The following DDX18 variants were observed in gnomAD, a reference collection of about 807,000 sequenced individuals.
The protein encoded by DDX18 is ATP-dependent RNA helicase DDX18.
Under a neutral mutation model 73.5 loss-of-function variants are expected in DDX18, and 23 were observed. The observed-to-expected ratio is 0.31, with a 90% confidence interval of 0.23 to 0.44. The LOEUF is 0.44. DDX18 is among the 20% of genes least tolerant of loss of function. The pLI is 1.00. For missense variants in DDX18, 753 were observed against 792.9 expected, an observed-to-expected ratio of 0.95 and a Z score of 0.60; for synonymous variants, 268 against 282.7, an observed-to-expected ratio of 0.95 and a Z score of 0.52.
Position 117,830,964 on chromosome 2 carries a change from T to G in DDX18, c.*240T>G, listed in dbSNP as rs1458548866. 2.2e-6 allele frequency: 1 copy of G among 462,950 alleles called. No individual in the cohort carries two copies. The highest frequency in any genetic ancestry group is 4.2e-5 in the Admixed American group (1 of 23,640). 28.7% of individuals were successfully genotyped at this position (462,950 alleles called of 1,614,324 possible). On this transcript the variant is annotated 3_prime_UTR_variant, in exon 14 of 14. Transcript: ENST00000263239. ...GGCAGAGCAAGGAATATCTGGTGTT[T>G]CTTGTGATGATAATATTTTAATTTT...
Position 117,824,571 on chromosome 2 carries a change from C to T in DDX18, c.1069C>T (p.Arg357Cys), listed in dbSNP as rs368037307. 7.7e-6 allele frequency: 11 copies of T among 1,432,576 alleles called. No homozygotes were observed. Among genetic ancestry groups the T allele is most frequent in the South Asian group, 6.9e-5 (4 of 58,304 alleles). 88.7% of individuals were successfully genotyped at this position (1,432,576 alleles called of 1,614,324 possible). Residue 357 changes from arginine (R) to cysteine (C), a missense_variant and splice_region_variant, in exon 8 of 14, where the codon CGT (arginine) becomes TGT (cysteine). Coordinates refer to ENST00000263239, the MANE Select transcript of DDX18 (RefSeq NM_006773.4). ...ATTTTTATATGTATCTGTTTCAGCA[C>T]GTAGACAGACTATGCTCTTTTCTGC... The part of the protein sequence containing the change: ...LKQIIKLLPT[R>C]RQTMLFSATQ...
rs1462787470 is a variant in DDX18, at chr2:117,830,680, C to T, written c.1969C>T (p.His657Tyr). ...KKVEKSKIFKHISKKSSDSRQ... is the reference protein window; with the variant it reads ...KKVEKSKIFKYISKKSSDSRQ... ...AGTTGAGAAATCCAAAATCTTTAAA[C>T]ACATTAGCAAGAAATCATCTGACAG... Residue 657 changes from histidine to tyrosine, a missense_variant, in exon 14 of 14, where the codon CAC becomes TAC. Physicochemically the swap from His to Tyr is moderately conservative, Grantham distance 83. This residue lies in a region of DDX18 where 402 missense variants were observed against 419.4 expected (regional missense o/e 0.96). Coordinates refer to ENST00000263239, the MANE Select transcript of DDX18 (RefSeq NM_006773.4). 7 of 1,613,582 alleles carry T rather than the reference C, an allele frequency of 4.3e-6. No homozygotes were observed. Among genetic ancestry groups the T allele is most frequent in the Non-Finnish European group, 5.9e-6 (7 of 1,179,752 alleles).
chr2:117,819,925 T>C (rs1679819137), intron 3 of DDX18, 133 bp downstream of exon 3: 1 of 792,188 alleles, frequency 1.3e-6, no homozygotes, highest in African/African-American at 1.8e-5. Context: ...ACTTTTTTTA[T>C]ATCTTTCTGC....
chr2:117,822,412 A>G (rs1454495625), intron 7 of DDX18, 151 bp downstream of exon 7: 12 of 610,404 alleles, frequency 2.0e-5, no homozygotes, highest in South Asian at 1.7e-4. Flanking sequence ...TTTGGAATAC[A>G]AGCATCAAAT....
Position 117,817,455 on chromosome 2 carries a change from C to T in DDX18, c.97C>T (p.Leu33=). Residue 33 remains leucine (L), a synonymous_variant, in exon 2 of 14, where the codon CTG becomes TTG. Coordinates refer to ENST00000263239, the MANE Select transcript of DDX18 (RefSeq NM_006773.4). The part of the protein sequence containing the change: ...RNLKFQGASN[L]TLSETQNGDV... ...GTTTATTTAAACAGGGGCCTCAAAT[C>T]TGACCCTATCGGAAACTCAAAATGG... 2 of 1,607,680 alleles carry T rather than the reference C, an allele frequency of 1.2e-6. No individual in the cohort carries two copies. The highest frequency in any genetic ancestry group is 1.7e-6 in the Non-Finnish European group (2 of 1,178,630).
rs59119058 is a variant in DDX18 at position 117,826,034 on chromosome 2, C to CTTTTT, written c.1522-211_1522-207dup. 5.0e-3 allele frequency: 483 copies of CTTTTT among 97,300 alleles called. 100 individuals carry two copies. Among genetic ancestry groups the CTTTTT allele is most frequent in the African/African-American group, 0.03 (356 of 12,054 alleles). 6.0% of individuals were successfully genotyped at this position (97,300 alleles called of 1,614,324 possible). A position where few individuals can be genotyped will look rare whatever the true frequency, so the allele number is the denominator to read the frequency against. ...TGTTAATGCAAACATCATGTCCAGCCTTTTTTTTTTTTTTTTTTTTTTTTT... is the reference window on the plus strand; with the variant it reads ...TGTTAATGCAAACATCATGTCCAGCCTTTTTTTTTTTTTTTTTTTTTTTTTTTTTT... On this transcript the variant is annotated intron_variant, in intron 10 of 13. Transcript: ENST00000263239.
At position 117,826,276 on chromosome 2, in the gene DDX18, T is replaced by C. The variant is rs1364038360; in HGVS notation, c.1529T>C (p.Ile510Thr). The change falls in exon 11 of 14, where the codon ATT (isoleucine) becomes ACT (threonine). Residue 510 changes from isoleucine to threonine, a missense_variant. Around this residue, in one of 3 missense-constraint regions of DDX18, gnomAD observed 402 missense variants for 419.4 expected, o/e 0.96. Coordinates refer to ENST00000263239, the MANE Select transcript of DDX18 (RefSeq NM_006773.4). Reference protein sequence around the residue: ...YDPPDDPKEYIHRVGRTARGL... With the variant: ...YDPPDDPKEYTHRVGRTARGL... ...TTTCTTTCTCCACCAAAGGAATATA[T>C]TCATCGTGTGGGTAGAACAGCCAGA... 1.2e-6 allele frequency: 2 copies of C among 1,613,548 alleles called. No homozygotes were observed. The highest frequency in any genetic ancestry group is 1.7e-5 in the Admixed American group (1 of 59,962).
intron 11 of DDX18, chr2:117,827,806 T>G (rs1679959064): frequency 2.0e-5 from 3 of 152,334 alleles, no homozygotes; most frequent in South Asian, 4.1e-4. Flanking sequence ...TGTGTCTTTA[T>G]AGCAGCATGA....
chr2:117,830,515 C>G, intron 13 of DDX18, 67 bp from the exon 14 acceptor site: 1 of 1,548,580 alleles, frequency 6.5e-7, no homozygotes, highest in Non-Finnish European at 8.7e-7. Flanking sequence ...CGGTTTTTTT[C>G]TCTGTGTAGA....
At chr2:117,815,959 C>A (rs1438090481) in intron 1 of DDX18, among the ~76,000 whole-genome samples, 1 of 152,160 alleles carries the variant, frequency 6.6e-6, no homozygotes, top group Non-Finnish European at 1.5e-5. Context: ...AAGCTGTCAT[C>A]CTGTACAGCA....
At chr2:117,819,514 T>C in intron 2 of DDX18, 135 bp from the exon 3 acceptor site, 2 of 868,718 alleles carry the variant, frequency 2.3e-6, no homozygotes, top group Non-Finnish European at 3.3e-6. Flanking sequence ...AACAGAATTC[T>C]TAACAAATTA....
chr2:117,816,993 G>A (rs959625653), intron 1 of DDX18, among the ~76,000 whole-genome samples: 1 of 152,222 alleles, frequency 6.6e-6, no homozygotes, highest in African/African-American at 2.4e-5. Flanking sequence ...ACTCACTGCA[G>A]TCTAGAAGAG....
chr2:117,824,491 C>A, intron 7 of DDX18, 78 bp from the exon 8 acceptor site: 1 of 1,237,308 alleles, frequency 8.1e-7, no homozygotes, highest in Non-Finnish European at 1.1e-6. Context: ...ATATCTCTAC[C>A]TAGAATATTT....
At chr2:117,828,109 T>G (rs1048095940) in intron 11 of DDX18, 8 of 152,246 alleles carry the variant, frequency 5.3e-5, no homozygotes, top group African/African-American at 1.7e-4. Context: ...GTCTGTTGGC[T>G]GCCTAAATGT....
rs556526826 is a variant in DDX18 at position 117,815,132 on chromosome 2, G to A, written c.85+270G>A. On this transcript the variant is annotated intron_variant, in intron 1 of 13. Transcript: ENST00000263239. ...ACTCCCCGTTCACTTCTAGGCTTAC[G>A]ACTAACCCTGCCTTTTGCATTTCCA... The A allele has an allele frequency of 3.2e-5, 15 of 475,192 alleles. No homozygotes were observed. In the East Asian group the frequency reaches 3.3e-4, roughly 11 times the overall value. 29.4% of individuals were successfully genotyped at this position (475,192 alleles called of 1,614,324 possible). A position where few individuals can be genotyped will look rare whatever the true frequency, so the allele number is the denominator to read the frequency against.
Position 117,819,650 on chromosome 2 carries a change from T to G in DDX18, c.372T>G (p.Asp124Glu). ...KRKMVNDAEPDTKKAKTENKG... is the reference protein window; with the variant it reads ...KRKMVNDAEPETKKAKTENKG... The stretch of plus-strand genomic sequence containing the variant: ...GGATTTTGTCTTTTAAAACCAAAGA[T>G]ACGAAAAAAGCAAAAACTGAAAACA... Residue 124 changes from aspartate (D) to glutamate (E), a missense_variant and splice_region_variant, in exon 3 of 14, where the codon GAT becomes GAG. Coordinates refer to ENST00000263239, the MANE Select transcript of DDX18 (RefSeq NM_006773.4). 6.3e-7 allele frequency: 1 copy of G among 1,575,862 alleles called. No individual in the cohort carries two copies. Among genetic ancestry groups the G allele is most frequent in the Non-Finnish European group, 8.6e-7 (1 of 1,167,590 alleles).
intron 11 of DDX18, chr2:117,827,779 A>G (rs1679958515): frequency 6.6e-6 from 1 of 152,178 alleles, no homozygotes; most frequent in African/African-American, 2.4e-5. Flanking sequence ...GTTATTGTGA[A>G]TAAACATACA....
chr2:117,817,471 C>T lies in DDX18; in HGVS notation c.113C>T (p.Thr38Ile), dbSNP rs1679778722. Residue 38 changes from threonine (T) to isoleucine (I), a missense_variant, in exon 2 of 14, where the codon ACT becomes ATT. Thr to Ile is a moderately conservative substitution (Grantham distance 89). This residue lies in a region of DDX18 where 345 missense variants were observed against 352.0 expected (regional missense o/e 0.98). Coordinates refer to ENST00000263239, the MANE Select transcript of DDX18 (RefSeq NM_006773.4). ...GCCTCAAATCTGACCCTATCGGAAA[C>T]TCAAAATGGAGATGTATCTGAAGAA... ...QGASNLTLSE[T>I]QNGDVSEETM... The T allele has an allele frequency of 2.5e-6, 4 of 1,610,682 alleles. No individual in the cohort carries two copies. In the Admixed American group the frequency reaches 5.0e-5, roughly 20 times the overall value.
chr2:117,825,689 A>G (rs1411928622), intron 10 of DDX18, 90 bp downstream of exon 10: 40 of 1,482,620 alleles, frequency 2.7e-5, no homozygotes, highest in South Asian at 2.4e-4. Flanking sequence ...TGCATTCCAC[A>G]TTCAAGGTAA....
Sources: allele counts gnomAD v4.1 joint callset (sites outside exome capture counted in the v4.1 genomes callset), GRCh38; gene constraint gnomAD v4.1.1; regional missense constraint gnomAD v4.1.1; transcripts MANE v1.5; gene names NCBI Gene and HGNC (gene_info 2026-07-23, HGNC 2026-07-21).